NTM: variants seen among roughly 807,000 people sequenced by gnomAD.
The protein encoded by NTM is IgLON family member 2.
In NTM, 13 loss-of-function variants were observed where a neutral mutation model predicts 42.1. That is an observed-to-expected ratio of 0.31 (90% CI 0.20 to 0.49). The LOEUF (loss-of-function observed/expected upper bound fraction) is 0.49. NTM is among the 20% of genes least tolerant of loss of function. NTM has a pLI of 0.99. For synonymous variants in NTM, 187 were observed against 179.2 expected (o/e 1.04, Z -0.35); for missense variants, 373 against 452.8 (o/e 0.82, Z 1.60).
intron 2 of NTM, among the ~76,000 whole-genome samples, chr11:132,005,187 G>A (rs553815): frequency 1.3e-5 from 2 of 152,216 alleles, no homozygotes; most frequent in African/African-American, 4.8e-5. Context: ...CATGGAGATT[G>A]TCATTCTGCA....
chr11:132,102,284 C>A (rs1173874533), intron 2 of NTM, among the ~76,000 whole-genome samples: 1 of 152,132 alleles, frequency 6.6e-6, no homozygotes, highest in Non-Finnish European at 1.5e-5. Context: ...AGAGAATAAA[C>A]CTGAAGGGGA....
chr11:132,251,206 A>G (rs1247915131), intron 4 of NTM, among the ~76,000 whole-genome samples: 1 of 152,078 alleles, frequency 6.6e-6, no homozygotes, highest in Non-Finnish European at 1.5e-5. Context: ...TTCCTGTTAG[A>G]CTCCATCACT....
intron 2 of NTM, among the ~76,000 whole-genome samples, chr11:132,059,132 C>T (rs2080198740): frequency 6.6e-6 from 1 of 152,242 alleles, no homozygotes; most frequent in Non-Finnish European, 1.5e-5. Context: ...TCCCTTCTTC[C>T]TCATAGCCTA....
intron 1 of NTM, among the ~76,000 whole-genome samples, chr11:131,797,965 A>G (rs1381439861): frequency 6.6e-6 from 1 of 151,910 alleles, no homozygotes; most frequent in Non-Finnish European, 1.5e-5. Context: ...TTAAAATGAC[A>G]TTTTTCATTT....
intron 1 of NTM, among the ~76,000 whole-genome samples, chr11:131,751,315 G>A (rs921844846): frequency 2.0e-5 from 3 of 152,012 alleles, no homozygotes; most frequent in East Asian, 3.9e-4. Flanking sequence ...GGCTGGGCAC[G>A]GTGGCTCACG....
intron 3 of NTM, among the ~76,000 whole-genome samples, chr11:132,170,416 C>T (rs149750745): frequency 2.0e-5 from 3 of 152,308 alleles, no homozygotes; most frequent in African/African-American, 7.2e-5. Context: ...CTAGGTCTTA[C>T]TTCCTTTAGA....
intron 2 of NTM, among the ~76,000 whole-genome samples, chr11:132,065,777 A>T (rs1423159554): frequency 6.6e-6 from 1 of 152,178 alleles, no homozygotes; most frequent in Non-Finnish European, 1.5e-5. Flanking sequence ...GGCATGTGAC[A>T]TACATTAGTT....
intron 2 of NTM, among the ~76,000 whole-genome samples, chr11:132,031,594 A>G (rs961261667): frequency 1.8e-4 from 28 of 152,106 alleles, no homozygotes; most frequent in African/African-American, 6.5e-4. Flanking sequence ...AGTAGGGAAG[A>G]CTGGATGAAG....
intron 4 of NTM, among the ~76,000 whole-genome samples, chr11:132,227,072 C>A (rs2086463234): frequency 6.6e-6 from 1 of 152,150 alleles, no homozygotes; most frequent in South Asian, 2.1e-4. Flanking sequence ...GTGTTTAGAG[C>A]CAGAGGCTGG....
intron 4 of NTM, among the ~76,000 whole-genome samples, chr11:132,300,087 A>G (rs2094787658): frequency 6.6e-6 from 1 of 152,134 alleles, no homozygotes; most frequent in African/African-American, 2.4e-5. Context: ...GTTTTAAGTC[A>G]AGAGAGTAGA....
intron 1 of NTM, among the ~76,000 whole-genome samples, chr11:131,874,553 C>G (rs192023564): frequency 1.3e-5 from 2 of 152,170 alleles, no homozygotes; most frequent in East Asian, 3.9e-4. Flanking sequence ...CTTACAGGCC[C>G]CAGTTTTGAG....
At chr11:131,476,541 C>T (rs1441773210) in intron 1 of NTM, among the ~76,000 whole-genome samples, 1 of 152,156 alleles carries the variant, frequency 6.6e-6, no homozygotes, top group African/African-American at 2.4e-5. Flanking sequence ...TATTTACAGG[C>T]TCCAAAGTAA....
chr11:131,600,935 A>G (rs1309174741), intron 1 of NTM, among the ~76,000 whole-genome samples: 1 of 152,198 alleles, frequency 6.6e-6, no homozygotes, highest in Non-Finnish European at 1.5e-5. Context: ...AGTCAGGATC[A>G]GGGATCATCT....
intron 1 of NTM, among the ~76,000 whole-genome samples, chr11:131,452,813 C>A (rs992934941): frequency 8.5e-5 from 13 of 152,158 alleles, no homozygotes; most frequent in Non-Finnish European, 1.5e-4. Flanking sequence ...CTGGTACTGC[C>A]TTTGGGTGGG....
At chr11:132,143,219 G>A (rs190489178) in intron 2 of NTM, among the ~76,000 whole-genome samples, 3 of 152,142 alleles carry the variant, frequency 2.0e-5, no homozygotes, top group Non-Finnish European at 4.4e-5. Flanking sequence ...ACACGTCTAG[G>A]TTAGAGGTTC....
intron 3 of NTM, among the ~76,000 whole-genome samples, chr11:132,169,451 T>C (rs1406617505): frequency 7.0e-6 from 1 of 142,974 alleles, no homozygotes; most frequent in Non-Finnish European, 1.5e-5. Flanking sequence ...TTCTCCTGCC[T>C]CAGCCTCCTG....
chr11:132,066,852 G>T (rs959007583), intron 2 of NTM, among the ~76,000 whole-genome samples: 1 of 152,000 alleles, frequency 6.6e-6, no homozygotes, highest in African/African-American at 2.4e-5. Flanking sequence ...TAACTTAATT[G>T]CATCTGTAAA....
chr11:132,076,670 A>T (rs1283429087), intron 2 of NTM, among the ~76,000 whole-genome samples: 1 of 152,192 alleles, frequency 6.6e-6, no homozygotes, highest in Non-Finnish European at 1.5e-5. Flanking sequence ...GGGAGTTTGA[A>T]CATGCATCCA....
In NTM at chr11:131,948,912, T is replaced by C. The variant is rs184288838; in HGVS notation, c.167+37264T>C. On this transcript the variant is annotated intron_variant, in intron 2 of 8. Transcript: ENST00000683400. ...TACAGTACCGTTAATTCTAGGAACA[T>C]TGTTGTGTAGCTGCTCTGTAGAGTG... is the stretch of plus-strand genomic sequence containing the variant. Among the ~76,000 whole-genome samples, 355 of 152,350 alleles carry C rather than the reference T, an allele frequency of 2.3e-3. 1 individual carries two copies. Among genetic ancestry groups the C allele is most frequent in the African/African-American group, 7.0e-3 (292 of 41,588 alleles).
Sources: gnomAD v4.1 joint callset for allele counts (sites outside exome capture counted in the v4.1 genomes callset) on GRCh38, gnomAD v4.1.1 for gene constraint, MANE v1.5 for transcripts, NCBI Gene and HGNC (gene_info 2026-07-23, HGNC 2026-07-21) for gene names.